PKDREJ: variants seen among roughly 807,000 people sequenced by gnomAD.
PKDREJ encodes PKD and REJ homolog.
For missense variants in PKDREJ, 2,507 were observed against 2,807.2 expected, an observed-to-expected ratio of 0.89 and a Z score of 2.42; for synonymous variants, 1,031 against 1,095.5, an observed-to-expected ratio of 0.94 and a Z score of 1.16.
Position 46,262,775 on chromosome 22 carries a change from C to T in PKDREJ, c.548G>A (p.Cys183Tyr). 6.4e-7 allele frequency: 1 copy of T among 1,560,350 alleles called. No individual in the cohort carries two copies. The highest frequency in any genetic ancestry group is 8.7e-7 in the Non-Finnish European group (1 of 1,154,442). ...CACGCGCGCGGGGCCGTCTGTGGGGCACTCGGTGCGGGCCACGAAGCCCTG... is the reference window on the plus strand; with the variant it reads ...CACGCGCGCGGGGCCGTCTGTGGGGTACTCGGTGCGGGCCACGAAGCCCTG... ...PQQGFVARTE[C>Y]PTDGPARVML... Residue 183 changes from cysteine to tyrosine, a missense_variant, in exon 1 of 1, where the codon TGC (cysteine) becomes TAC (tyrosine). Coordinates refer to ENST00000253255, the MANE Select transcript of PKDREJ (RefSeq NM_006071.2). The surrounding 1 kb of genome is among the most constrained non-coding windows in gnomAD (Gnocchi z 8.1).
chr22:46,257,343 C>T lies in PKDREJ; in HGVS notation c.5980G>A (p.Val1994Met), dbSNP rs143537792. The change falls in exon 1 of 1, where the codon GTG (valine) becomes ATG (methionine). Residue 1994 changes from valine to methionine, a missense_variant. Physicochemically the swap from Val to Met is conservative, Grantham distance 21 (BLOSUM62 1). Transcript: ENST00000253255. The surrounding 1 kb of genome is among the most constrained non-coding windows in gnomAD (Gnocchi z 4.7). ...TTGAGCAAATTATACACACTTCTCA[C>T]ATAGGAGGCTCTTTCTTGCATAATG... ...CIIMQERASYVRSVYNLLNFA... is the reference protein window; with the variant it reads ...CIIMQERASYMRSVYNLLNFA... The T allele has an allele frequency of 5.0e-5, 80 of 1,613,956 alleles. No homozygotes were observed. Among genetic ancestry groups the T allele is most frequent in the South Asian group, 9.9e-5 (9 of 91,072 alleles).
chr22:46,260,824 T>C lies in PKDREJ; in HGVS notation c.2499A>G (p.Val833=), dbSNP rs2147775947. 1 of 1,613,708 alleles carries C rather than the reference T, an allele frequency of 6.2e-7. No individual in the cohort carries two copies. Among genetic ancestry groups the C allele is most frequent in the South Asian group, 1.1e-5 (1 of 91,062 alleles). Residue 833 remains valine (V), a synonymous_variant, in exon 1 of 1, where the codon GTA becomes GTG. Transcript: ENST00000253255. This position sits in a 1 kb window ranked among gnomAD's most constrained non-coding sequence, Gnocchi z 4.5. The part of the protein sequence containing the change: ...PHQVVKDPFY[V]IESLSDTILA... ...GTATTGTGTCTGATAGAGATTCTAT[T>C]ACATAGAAAGGATCTTTAACTACTT...
At position 46,262,200 on chromosome 22, in the gene PKDREJ, A is replaced by C; in HGVS notation, c.1123T>G (p.Phe375Val). 5 of 1,614,228 alleles carry C rather than the reference A, an allele frequency of 3.1e-6. No homozygotes were observed. Among genetic ancestry groups the C allele is most frequent in the Non-Finnish European group, 4.2e-6 (5 of 1,180,038 alleles). ...GGATCTGTGGTACAGTACCAAAAGA[A>C]CTGGAGTCCCTGTAACGGGCTGTCC... Reference protein sequence around the residue: ...DADSPLQGLQFFWYCTTDPRN... With the variant: ...DADSPLQGLQVFWYCTTDPRN... The change falls in exon 1 of 1, where the codon TTC (phenylalanine) becomes GTC (valine). Residue 375 changes from phenylalanine (F) to valine (V), a missense_variant. Coordinates refer to ENST00000253255, the MANE Select transcript of PKDREJ (RefSeq NM_006071.2). The surrounding 1 kb of genome is among the most constrained non-coding windows in gnomAD (Gnocchi z 8.1).
chr22:46,256,525 G>A lies in PKDREJ; in HGVS notation c.*36C>T. 4 of 1,578,278 alleles carry A rather than the reference G, an allele frequency of 2.5e-6. No individual in the cohort carries two copies. The highest frequency in any genetic ancestry group is 2.6e-6 in the Non-Finnish European group (3 of 1,165,748). The stretch of plus-strand genomic sequence containing the variant: ...TAATCCCACAGACTCAGCAGTTGGG[G>A]GAACGCTTGCTTGTGACTCATGAAA... On this transcript the variant is annotated 3_prime_UTR_variant, in exon 1 of 1. Transcript: ENST00000253255. This position sits in a 1 kb window ranked among gnomAD's most constrained non-coding sequence, Gnocchi z 5.3.
In PKDREJ at chr22:46,260,944, T is replaced by C; in HGVS notation, c.2379A>G (p.Gln793=). Residue 793 remains glutamine (Q), a synonymous_variant, in exon 1 of 1, where the codon CAA becomes CAG. Coordinates refer to ENST00000253255, the MANE Select transcript of PKDREJ (RefSeq NM_006071.2). This position sits in a 1 kb window ranked among gnomAD's most constrained non-coding sequence, Gnocchi z 4.5. ...GTTCAGATCGAAAGCGTTTATCTTT[T>C]TGCTGATACTCTTGTAGGGCTTGAT... ...QANQALQEYQ[Q]KDKRFRSEQI... 6.2e-7 allele frequency: 1 copy of C among 1,614,204 alleles called. No individual in the cohort carries two copies. The highest frequency in any genetic ancestry group is 8.5e-7 in the Non-Finnish European group (1 of 1,180,016).
In PKDREJ at chr22:46,263,256, G is replaced by C; in HGVS notation, c.67C>G (p.Leu23Val). 6.8e-7 allele frequency: 1 copy of C among 1,467,542 alleles called. No homozygotes were observed. The highest frequency in any genetic ancestry group is 9.0e-7 in the Non-Finnish European group (1 of 1,117,290). 90.9% of individuals were successfully genotyped at this position (1,467,542 alleles called of 1,614,324 possible). A position where few individuals can be genotyped will look rare whatever the true frequency, so the allele number is the denominator to read the frequency against. ...TGTGCCCCGCGAGGAACCGGCGGCA[G>C]CGGGAGGCGGCCGACGCTCAGGCTC... ...GLSLSVGRLP[L>V]PPVPRGAQAA... Residue 23 changes from leucine to valine, a missense_variant, in exon 1 of 1, where the codon CTG becomes GTG. Transcript: ENST00000253255. The surrounding 1 kb of genome is among the most constrained non-coding windows in gnomAD (Gnocchi z 9.4).
In PKDREJ at chr22:46,257,160, C is replaced by T; in HGVS notation, c.6163G>A (p.Gly2055Ser). The T allele has an allele frequency of 6.2e-7, 1 of 1,613,834 alleles. No individual in the cohort carries two copies. Among genetic ancestry groups the T allele is most frequent in the Non-Finnish European group, 8.5e-7 (1 of 1,179,980 alleles). Residue 2055 changes from glycine (G) to serine (S), a missense_variant, in exon 1 of 1, where the codon GGT becomes AGT. Physicochemically the swap from Gly to Ser is moderately conservative, Grantham distance 56 (BLOSUM62 0). Transcript: ENST00000253255. This position sits in a 1 kb window ranked among gnomAD's most constrained non-coding sequence, Gnocchi z 4.7. ...QVDHIMRIIL[G>S]FLLFLTILKT... ...AAAATTGTCAGAAATAACAGGAAAC[C>T]CAAAATTATCCTCATAATGTGATCT...
rs1366696798 is a variant in PKDREJ at position 46,257,421 on chromosome 22, A to G, written c.5902T>C (p.Tyr1968His). 6.2e-7 allele frequency: 1 copy of G among 1,614,074 alleles called. No homozygotes were observed. The change falls in exon 1 of 1, where the codon TAT becomes CAT. Residue 1968 changes from tyrosine to histidine, a missense_variant. Physicochemically the swap from Tyr to His is moderately conservative, Grantham distance 83. Coordinates refer to ENST00000253255, the MANE Select transcript of PKDREJ (RefSeq NM_006071.2). The surrounding 1 kb of genome is among the most constrained non-coding windows in gnomAD (Gnocchi z 4.7). ...DRKASAEIYL[Y>H]VAILIFFLAY... ...AAGAAAAAAATGAGAATGGCCACAT[A>G]CAAGTAGATTTCTGCTGAAGCTTTT... is the stretch of plus-strand genomic sequence containing the variant.
At position 46,260,290 on chromosome 22, in the gene PKDREJ, C is replaced by T; in HGVS notation, c.3033G>A (p.Val1011=). ...IVTEVMVLFT[V]LVYTGSQITP... ...TGATCTGACTGCCTGTGTACACCAA[C>T]ACTGTGAACAGCACCATCACTTCTG... Residue 1011 remains valine, a synonymous_variant, in exon 1 of 1, where the codon GTG becomes GTA. Coordinates refer to ENST00000253255, the MANE Select transcript of PKDREJ (RefSeq NM_006071.2). The surrounding 1 kb of genome is among the most constrained non-coding windows in gnomAD (Gnocchi z 4.5). 1 of 1,614,184 alleles carries T rather than the reference C, an allele frequency of 6.2e-7. No individual in the cohort carries two copies. Among genetic ancestry groups the T allele is most frequent in the South Asian group, 1.1e-5 (1 of 91,090 alleles).
Position 46,259,061 on chromosome 22 carries a change from C to T in PKDREJ, c.4262G>A (p.Arg1421Lys). 1 of 1,613,808 alleles carries T rather than the reference C, an allele frequency of 6.2e-7. No homozygotes were observed. Among genetic ancestry groups the T allele is most frequent in the Non-Finnish European group, 8.5e-7 (1 of 1,179,848 alleles). ...NRQEQTESRE[R>K]KYMRSMMIGI... ...TATCATCATTGATCTCATGTATTTC[C>T]TCTCTCTTGACTCAGTTTGTTCTTG... Residue 1421 changes from arginine to lysine, a missense_variant, in exon 1 of 1, where the codon AGG (arginine) becomes AAG (lysine). Transcript: ENST00000253255. This position sits in a 1 kb window ranked among gnomAD's most constrained non-coding sequence, Gnocchi z 6.8.
Position 46,257,581 on chromosome 22 carries a change from C to A in PKDREJ, c.5742G>T (p.Val1914=). Residue 1914 remains valine, a synonymous_variant, in exon 1 of 1, where the codon GTG becomes GTT. Coordinates refer to ENST00000253255, the MANE Select transcript of PKDREJ (RefSeq NM_006071.2). This position sits in a 1 kb window ranked among gnomAD's most constrained non-coding sequence, Gnocchi z 4.7. ...SNWLDEKTWA[V]VLELTTFNPD... ...GATTAAAAGTTGTTAATTCCAAAAC[C>A]ACAGCCCATGTCTTCTCATCCAGCC... 6.2e-7 allele frequency: 1 copy of A among 1,614,098 alleles called. No homozygotes were observed. Among genetic ancestry groups the A allele is most frequent in the Non-Finnish European group, 8.5e-7 (1 of 1,180,012 alleles).
Position 46,263,308 on chromosome 22 carries a change from G to GGGCCCAGGCCTCATGGCGCC in PKDREJ, c.-6_14dup (p.Leu7ProfsTer2). 2 of 1,441,970 alleles carry GGGCCCAGGCCTCATGGCGCC rather than the reference G, an allele frequency of 1.4e-6. No homozygotes were observed. The highest frequency in any genetic ancestry group is 1.8e-6 in the Non-Finnish European group (2 of 1,106,562). The allele number at this position is 1,441,970 out of a possible 1,614,324, so 89.3% of individuals were successfully genotyped here. A position where few individuals can be genotyped will look rare whatever the true frequency, so the allele number is the denominator to read the frequency against. On this transcript the variant is annotated stop_gained and frameshift_variant, in exon 1 of 1. Transcript: ENST00000253255. LOFTEE classifies it low-confidence loss of function (END_TRUNC). The surrounding 1 kb of genome is among the most constrained non-coding windows in gnomAD (Gnocchi z 9.4). The stretch of plus-strand genomic sequence containing the variant: ...GGCCCACGCCCAGAAGGAGGAGAGC[G>GGGCCCAGGCCTCATGGCGCC]GGCCCAGGCCTCATGGCGCCGGCCC...
chr22:46,262,997 G>A lies in PKDREJ; in HGVS notation c.326C>T (p.Ala109Val). 8.1e-7 allele frequency: 1 copy of A among 1,240,780 alleles called. No homozygotes were observed. The highest frequency in any genetic ancestry group is 2.0e-5 in the South Asian group (1 of 49,396). The allele number at this position is 1,240,780 out of a possible 1,614,324, so 76.9% of individuals were successfully genotyped here. A position where few individuals can be genotyped will look rare whatever the true frequency, so the allele number is the denominator to read the frequency against. Reference protein sequence around the residue: ...AQRLPWPAAPALALVDLQLSA... With the variant: ...AQRLPWPAAPVLALVDLQLSA... Reference sequence around the variant, plus strand: ...GAGCTGCAGGTCGACGAGCGCGAGCGCGGGCGCGGCCGGCCAGGGCAGGCG... The same window carrying A: ...GAGCTGCAGGTCGACGAGCGCGAGCACGGGCGCGGCCGGCCAGGGCAGGCG... The change falls in exon 1 of 1, where the codon GCG (alanine) becomes GTG (valine). Residue 109 changes from alanine (A) to valine (V), a missense_variant. Ala to Val is a moderately conservative substitution (Grantham distance 64). Transcript: ENST00000253255. The surrounding 1 kb of genome is among the most constrained non-coding windows in gnomAD (Gnocchi z 8.1).
At position 46,258,232 on chromosome 22, in the gene PKDREJ, G is replaced by C; in HGVS notation, c.5091C>G (p.Phe1697Leu). The C allele has an allele frequency of 1.9e-6, 3 of 1,614,126 alleles. No homozygotes were observed. Among genetic ancestry groups the C allele is most frequent in the Non-Finnish European group, 2.5e-6 (3 of 1,179,980 alleles). The change falls in exon 1 of 1, where the codon TTC becomes TTG. Residue 1697 changes from phenylalanine (F) to leucine (L), a missense_variant. Transcript: ENST00000253255. The surrounding 1 kb of genome is among the most constrained non-coding windows in gnomAD (Gnocchi z 6.1). ...TTCTCTTGATCCTCTTCTTTCTTTTGAATATTCTGATTTCATCTTCTGTAA... is the reference window on the plus strand; with the variant it reads ...TTCTCTTGATCCTCTTCTTTCTTTTCAATATTCTGATTTCATCTTCTGTAA... ...QPLTEDEIRI[F>L]KRKKRIKRRA... is the part of the protein sequence containing the mutation.
At position 46,259,617 on chromosome 22, in the gene PKDREJ, T is replaced by C. The variant is rs368219962; in HGVS notation, c.3706A>G (p.Ile1236Val). Residue 1236 changes from isoleucine to valine, a missense_variant, in exon 1 of 1, where the codon ATT (isoleucine) becomes GTT (valine). Ile to Val is a conservative substitution (Grantham distance 29). Transcript: ENST00000253255. This position sits in a 1 kb window ranked among gnomAD's most constrained non-coding sequence, Gnocchi z 6.8. ...PYDNLCYLVT[I>V]FTGSRWGSGT... Reference sequence around the variant, plus strand: ...GACCCCCAACGACTTCCTGTAAAAATAGTCACCAAGTAGCATAAATTATCA... The same window carrying C: ...GACCCCCAACGACTTCCTGTAAAAACAGTCACCAAGTAGCATAAATTATCA... 1.2e-6 allele frequency: 2 copies of C among 1,614,130 alleles called. No individual in the cohort carries two copies. The highest frequency in any genetic ancestry group is 1.3e-5 in the African/African-American group (1 of 75,016).
In PKDREJ at chr22:46,260,762, A is replaced by G. The variant is rs760817395; in HGVS notation, c.2561T>C (p.Met854Thr). 1.1e-5 allele frequency: 17 copies of G among 1,614,104 alleles called. No individual in the cohort carries two copies. The highest frequency in any genetic ancestry group is 1.4e-5 in the Non-Finnish European group (17 of 1,179,978). ...NKVPGNKTTS[M>T]RTPNFNMYVK... ...ATACATGTTGAAATTGGGGGTTCTC[A>G]TTGAGGTGGTTTTGTTCCCTGGCAC... is the stretch of plus-strand genomic sequence containing the variant. Residue 854 changes from methionine (M) to threonine (T), a missense_variant, in exon 1 of 1, where the codon ATG (methionine) becomes ACG (threonine). Coordinates refer to ENST00000253255, the MANE Select transcript of PKDREJ (RefSeq NM_006071.2). The surrounding 1 kb of genome is among the most constrained non-coding windows in gnomAD (Gnocchi z 4.5).
chr22:46,262,399 C>CG lies in PKDREJ; in HGVS notation c.923dup (p.Val309GlyfsTer41), dbSNP rs1936707290. The CG allele has an allele frequency of 6.2e-7, 1 of 1,613,874 alleles. No individual in the cohort carries two copies. The highest frequency in any genetic ancestry group is 8.5e-7 in the Non-Finnish European group (1 of 1,179,898). ...TGGGGTTCCCTGTGGTGATGGACAC[C>CG]GTGAAATTAAACACATACACTCCCC... is the stretch of plus-strand genomic sequence containing the variant. On this transcript the variant is annotated frameshift_variant, in exon 1 of 1. Coordinates refer to ENST00000253255, the MANE Select transcript of PKDREJ (RefSeq NM_006071.2). LOFTEE classifies it low-confidence loss of function (END_TRUNC). This position sits in a 1 kb window ranked among gnomAD's most constrained non-coding sequence, Gnocchi z 8.1.
Position 46,257,294 on chromosome 22 carries a change from G to A in PKDREJ, c.6029C>T (p.Thr2010Ile). ...LLNFALKCIF[T>I]VLIVLFLRKH... ...CCTGAGAAAGAGCACAATCAACACA[G>A]TAAATATGCACTTTAAAGCAAAGTT... The change falls in exon 1 of 1, where the codon ACT becomes ATT. Residue 2010 changes from threonine to isoleucine, a missense_variant. By Grantham distance (89) the Thr-to-Ile change is moderately conservative. Coordinates refer to ENST00000253255, the MANE Select transcript of PKDREJ (RefSeq NM_006071.2). The surrounding 1 kb of genome is among the most constrained non-coding windows in gnomAD (Gnocchi z 4.7). 6.2e-7 allele frequency: 1 copy of A among 1,613,996 alleles called. No homozygotes were observed. The highest frequency in any genetic ancestry group is 8.5e-7 in the Non-Finnish European group (1 of 1,179,986).
At position 46,256,313 on chromosome 22, in the gene PKDREJ, A is replaced by G; in HGVS notation, c.*248T>C. ...GGGGAGTCACATAACTCCCCTCTAA[A>G]GGGAAATCAGTCCAGGAATCCCACA... On this transcript the variant is annotated 3_prime_UTR_variant, in exon 1 of 1. Transcript: ENST00000253255. The surrounding 1 kb of genome is among the most constrained non-coding windows in gnomAD (Gnocchi z 5.3). The G allele has an allele frequency of 1.8e-6, 1 of 545,566 alleles. No homozygotes were observed. The highest frequency in any genetic ancestry group is 3.1e-6 in the Non-Finnish European group (1 of 323,190). 33.8% of individuals were successfully genotyped at this position (545,566 alleles called of 1,614,324 possible).
Sources: gnomAD v4.1 joint callset for allele counts on GRCh38, gnomAD v4.1.1 for gene constraint, Gnocchi (gnomAD v3.1) non-coding constraint, MANE v1.5 for transcripts, NCBI Gene and HGNC (gene_info 2026-07-23, HGNC 2026-07-21) for gene names.